The following WDR90 variants were observed in gnomAD, a reference collection of about 807,000 sequenced individuals.
The protein encoded by WDR90 is WD repeat domain 90.
Under a neutral mutation model 195.2 loss-of-function variants are expected in WDR90, and 238 were observed. The observed-to-expected ratio is 1.22, with a 90% CI of 1.10 to 1.36. The LOEUF (loss-of-function observed/expected upper bound fraction) is 1.36, where lower values mean the gene tolerates loss of function less well. Ranked by LOEUF, WDR90 falls within the 40% of genes most tolerant of loss-of-function variation. The pLI, the probability that WDR90 is intolerant of heterozygous loss-of-function variation, is 0.00. For synonymous variants in WDR90, 1,265 were observed against 1,052.4 expected (o/e 1.20, Z -3.91); for missense variants, 2,734 against 2,439.5 (o/e 1.12, Z -2.54).
chr16:656,882 A>T lies in WDR90; in HGVS notation c.2342+11A>T. 6.2e-7 allele frequency: 1 copy of T among 1,611,204 alleles called. No homozygotes were observed. The highest frequency in any genetic ancestry group is 8.5e-7 in the Non-Finnish European group (1 of 1,179,060). ...CCTGGTGGAACACACGTAAGTGCCCAGCTGGCCACCAGCCCCACGGAGACC... is the reference window on the plus strand; with the variant it reads ...CCTGGTGGAACACACGTAAGTGCCCTGCTGGCCACCAGCCCCACGGAGACC... On this transcript the variant is annotated intron_variant, in intron 19 of 40. Coordinates refer to ENST00000293879, the MANE Select transcript of WDR90 (RefSeq NM_145294.5).
Position 659,124 on chromosome 16 carries a change from CA to C in WDR90, c.3051del (p.Gly1018AlafsTer93). The stretch of plus-strand genomic sequence containing the variant: ...CCCGGGGCCCCCCCAGCCTGCAAGA[CA>C]GGTGAGTGGCTGTGCTCAGCTGGGG... ...SFPGAPPACKTGPGAGPLEDA... is the reference protein window; with the variant it reads ...SFPGAPPACKXGPGAGPLEDA... On this transcript the variant is annotated frameshift_variant and splice_region_variant, in exon 25 of 41. Transcript: ENST00000293879. LOFTEE classifies it high-confidence loss of function. 1 of 1,611,774 alleles carries C rather than the reference CA, an allele frequency of 6.2e-7. No homozygotes were observed. The highest frequency in any genetic ancestry group is 1.3e-5 in the African/African-American group (1 of 75,008).
intron 9 of WDR90, 192 bp from the exon 10 acceptor site, chr16:652,275 A>C (rs1252732258): frequency 1.2e-6 from 1 of 801,892 alleles, no homozygotes; most frequent in Non-Finnish European, 1.9e-6. Flanking sequence ...TCTGTGGGGG[A>C]CCCTCGAAGG....
Position 658,178 on chromosome 16 carries a change from C to T in WDR90, c.2605-5C>T. The T allele has an allele frequency of 6.2e-7, 1 of 1,606,812 alleles. No homozygotes were observed. The highest frequency in any genetic ancestry group is 8.5e-7 in the Non-Finnish European group (1 of 1,176,206). The stretch of plus-strand genomic sequence containing the variant: ...TGACTGTCGGCCACTTACCACTACC[C>T]CCAGCTGCTGCGAGTTGACATCGGC... On this transcript the variant is annotated splice_polypyrimidine_tract_variant and splice_region_variant and intron_variant, in intron 21 of 40. Coordinates refer to ENST00000293879, the MANE Select transcript of WDR90 (RefSeq NM_145294.5).
At chr16:651,555 C>A in intron 7 of WDR90, 89 bp from the exon 8 acceptor site, 1 of 1,311,684 alleles carries the variant, frequency 7.6e-7, no homozygotes, top group Non-Finnish European at 1.1e-6. Flanking sequence ...GAGGCTGGGC[C>A]ACTTGCTGCT....
intron 31 of WDR90, 23 bp from the exon 32 acceptor site, chr16:661,868 T>G (rs758404326): frequency 6.6e-5 from 105 of 1,600,798 alleles, no homozygotes; most frequent in Non-Finnish European, 8.7e-5. Flanking sequence ...TGCTGACCCA[T>G]GGCCACTCTC....
intron 33 of WDR90, 125 bp downstream of exon 33, chr16:662,456 A>G: frequency 7.6e-7 from 1 of 1,309,784 alleles, no homozygotes; most frequent in South Asian, 1.4e-5. Context: ...TAGCCCCTCC[A>G]AGGGACAGGC....
chr16:649,948 T>C lies in WDR90; in HGVS notation c.103-43T>C. On this transcript the variant is annotated intron_variant, in intron 2 of 40. Coordinates refer to ENST00000293879, the MANE Select transcript of WDR90 (RefSeq NM_145294.5). ...GAGGGCCCCCTCGCCCCCGCTGCAC[T>C]TCTTCTGGGTGCTGTCGGTGATGCG... 1.9e-6 allele frequency: 3 copies of C among 1,606,582 alleles called. No homozygotes were observed. In the South Asian group the frequency reaches 3.3e-5, roughly 18 times the overall value.
At chr16:663,823 A>G (rs2037966884) in intron 34 of WDR90, among the ~76,000 whole-genome samples, 1 of 152,192 alleles carries the variant, frequency 6.6e-6, no homozygotes, top group Non-Finnish European at 1.5e-5. Flanking sequence ...TTGGGGCGGC[A>G]GGACAGGTGC....
chr16:649,668 C>A, intron 1 of WDR90, 95 bp from the exon 2 acceptor site: 1 of 1,288,598 alleles, frequency 7.8e-7, no homozygotes, highest in Non-Finnish European at 1.0e-6. Flanking sequence ...CGGAGAGCCC[C>A]GGCTCCTGCC....
At chr16:658,828 G>C in intron 23 of WDR90, 68 bp from the exon 24 acceptor site, 1 of 1,589,752 alleles carries the variant, frequency 6.3e-7, no homozygotes, top group Non-Finnish European at 8.6e-7. Flanking sequence ...CACCGTCCCT[G>C]GGGACTGGGC....
chr16:657,308 C>T (rs1203812859), intron 20 of WDR90, 87 bp downstream of exon 20: 34 of 1,443,324 alleles, frequency 2.4e-5, no homozygotes, highest in African/African-American at 4.3e-5. Context: ...ACACACATGC[C>T]GGTTTCCTGG....
intron 20 of WDR90, 130 bp from the exon 21 acceptor site, chr16:657,632 G>A (rs1461084572): frequency 2.3e-6 from 3 of 1,313,842 alleles, no homozygotes; most frequent in South Asian, 3.2e-5. Context: ...TCCTCTGCCG[G>A]TGTGATGCGT....
Position 659,293 on chromosome 16 carries a change from T to TC in WDR90, c.3106dup (p.Arg1036ProfsTer171), listed in dbSNP as rs747572281. The TC allele has an allele frequency of 5.0e-6, 8 of 1,602,228 alleles. No individual in the cohort carries two copies. The highest frequency in any genetic ancestry group is 1.7e-6 in the Non-Finnish European group (2 of 1,175,666). ...GACGCAGCGTCCAGGGCCAGCGAGC[T>TC]CCCCCGGCAGCAGGTCCCCAAGCCA... is the stretch of plus-strand genomic sequence containing the variant. On this transcript the variant is annotated frameshift_variant, in exon 26 of 41. Transcript: ENST00000293879. LOFTEE classifies it high-confidence loss of function.
In WDR90 at chr16:666,025, G is replaced by C. The variant is rs750302493; in HGVS notation, c.4510G>C (p.Asp1504His). ...GCAGCGGCTAGCGGCTGGCTACGGT[G>C]ACGGCTCCCTGCGCATCTTCAGCGT... ...EQQRLAAGYG[D>H]GSLRIFSVSR... Residue 1504 changes from aspartate (D) to histidine (H), a missense_variant, in exon 36 of 41, where the codon GAC becomes CAC. Coordinates refer to ENST00000293879, the MANE Select transcript of WDR90 (RefSeq NM_145294.5). 35 of 1,604,220 alleles carry C rather than the reference G, an allele frequency of 2.2e-5. No individual in the cohort carries two copies. Among genetic ancestry groups the C allele is most frequent in the Non-Finnish European group, 2.7e-5 (32 of 1,179,814 alleles).
At chr16:663,768 C>T (rs558949323) in intron 34 of WDR90, among the ~76,000 whole-genome samples, 247 of 152,328 alleles carry the variant, frequency 1.6e-3, no homozygotes, top group African/African-American at 5.6e-3. Flanking sequence ...GTCGCCCCCT[C>T]ACCCGCCAGC....
At position 653,346 on chromosome 16, in the gene WDR90, G is replaced by A. The variant is rs763566658; in HGVS notation, c.1128G>A (p.Leu376=). 11 of 1,555,554 alleles carry A rather than the reference G, an allele frequency of 7.1e-6. No individual in the cohort carries two copies. Among genetic ancestry groups the A allele is most frequent in the African/African-American group, 2.8e-5 (2 of 72,294 alleles). Residue 376 remains leucine (L), a synonymous_variant, in exon 11 of 41, where the codon CTG becomes CTA. Transcript: ENST00000293879. Reference sequence around the variant, plus strand: ...CCCCCGCCCCCTTGTGCCAGGCCCTGTGGACCCCAGACGGGGCGGCTGTCG... The same window carrying A: ...CCCCCGCCCCCTTGTGCCAGGCCCTATGGACCCCAGACGGGGCGGCTGTCG... ...GFGGHGTRQA[L]WTPDGAAVVY...
Position 649,799 on chromosome 16 carries a change from T to A in WDR90, c.47T>A (p.Phe16Tyr). 1 of 1,577,312 alleles carries A rather than the reference T, an allele frequency of 6.3e-7. No individual in the cohort carries two copies. The highest frequency in any genetic ancestry group is 1.2e-5 in the South Asian group (1 of 86,900). Residue 16 changes from phenylalanine to tyrosine, a missense_variant, in exon 2 of 41, where the codon TTC becomes TAC. Phe to Tyr is a conservative substitution (Grantham distance 22). Transcript: ENST00000293879. ...CCGTTCCTCAACGTCTTCAGACACT[T>A]CCGGGTGGACGAGTGGAAGCGCTCC... ...QHPFLNVFRH[F>Y]RVDEWKRSAK...
In WDR90 at chr16:655,630, G is replaced by A; in HGVS notation, c.1776G>A (p.Val592=). Residue 592 remains valine, a synonymous_variant, in exon 16 of 41, where the codon GTG becomes GTA. Coordinates refer to ENST00000293879, the MANE Select transcript of WDR90 (RefSeq NM_145294.5). The part of the protein sequence containing the change: ...ILEIDCQRMV[V]RHARRLLPTR... ...AGATTGACTGTCAGCGCATGGTCGTGCGGCATGCCCGCCGCCTGCTCCCCA... is the reference window on the plus strand; with the variant it reads ...AGATTGACTGTCAGCGCATGGTCGTACGGCATGCCCGCCGCCTGCTCCCCA... 6.2e-6 allele frequency: 10 copies of A among 1,608,898 alleles called. No homozygotes were observed. The highest frequency in any genetic ancestry group is 8.5e-6 in the Non-Finnish European group (10 of 1,177,944).
At chr16:649,453 A>AGGATCCCGGGTTCCGGGGTTCCGG (rs2037592474) in intron 1 of WDR90, 27 bp downstream of exon 1, 1 of 1,295,972 alleles carries the variant, frequency 7.7e-7, no homozygotes, top group Non-Finnish European at 9.8e-7. Flanking sequence ...GGGGGTCCCG[A>AGGATCCCGGGTTCCGGGGTTCCGG]GGATCCCGGG....
Sources: gnomAD v4.1 joint callset for allele counts (sites outside exome capture counted in the v4.1 genomes callset) on GRCh38, gnomAD v4.1.1 for gene constraint, MANE v1.5 for transcripts, NCBI Gene and HGNC (gene_info 2026-07-23, HGNC 2026-07-21) for gene names.